ZDHHC15: variants seen among roughly 807,000 people sequenced by gnomAD.
ZDHHC15 encodes zDHHC palmitoyltransferase 15.
A neutral mutation model predicts 31.7 loss-of-function variants in ZDHHC15; 19 were observed. That is an observed-to-expected ratio of 0.60 (90% CI 0.42 to 0.88). The LOEUF (loss-of-function observed/expected upper bound fraction) is 0.88. Among genes scored for constraint, ZDHHC15 ranks in the 40% least tolerant of loss-of-function variants. The pLI is 0.00. For missense variants in ZDHHC15, 209 were observed against 251.2 expected (o/e 0.83, Z 1.14); for synonymous variants, 103 against 90.0 (o/e 1.14, Z -0.82).
chrX:75,457,004 G>A (rs1347238970), intron 3 of ZDHHC15, among the ~76,000 whole-genome samples: 4 of 111,725 alleles, frequency 3.6e-5, no homozygotes. Flanking sequence ...TAAATGTAAA[G>A]CATTTAGCTG....
At chrX:75,451,466 T>C (rs2084116718) in intron 3 of ZDHHC15, among the ~76,000 whole-genome samples, 1 of 112,484 alleles carries the variant, frequency 8.9e-6, no homozygotes, top group Non-Finnish European at 1.9e-5. Context: ...AATACTTTTT[T>C]AGTCTCGTAT....
At chrX:75,461,026 G>C (rs896577934) in intron 3 of ZDHHC15, among the ~76,000 whole-genome samples, 1 of 111,580 alleles carries the variant, frequency 9.0e-6, no homozygotes, top group African/African-American at 3.3e-5. Flanking sequence ...CCAATGCAAA[G>C]AGGCTAAGAA....
At chrX:75,379,298 C>A in intron 10 of ZDHHC15, 100 bp from the exon 11 acceptor site, 1 of 834,114 alleles carries the variant, frequency 1.2e-6, no homozygotes, top group Non-Finnish European at 1.8e-6. Flanking sequence ...TCTCTGCAGG[C>A]AACAGATACC....
At chrX:75,459,733 A>G (rs961007530) in intron 3 of ZDHHC15, among the ~76,000 whole-genome samples, 1 of 112,156 alleles carries the variant, frequency 8.9e-6, no homozygotes, top group Non-Finnish European at 1.9e-5. Context: ...CAGCCATTTC[A>G]GCCTCCAGTT....
At chrX:75,389,392 G>T (rs1373686280) in intron 10 of ZDHHC15, among the ~76,000 whole-genome samples, 1 of 109,949 alleles carries the variant, frequency 9.1e-6, no homozygotes, top group Non-Finnish European at 1.9e-5. Context: ...TCAAGGGATT[G>T]CTTGTGTAAC....
intron 7 of ZDHHC15, among the ~76,000 whole-genome samples, chrX:75,425,098 C>T (rs1398193747): frequency 9.0e-6 from 1 of 110,876 alleles, no homozygotes; most frequent in Admixed American, 9.7e-5. Context: ...CAACCGCTTA[C>T]AGCTTGTAGT....
intron 3 of ZDHHC15, among the ~76,000 whole-genome samples, chrX:75,467,848 T>C (rs1265964499): frequency 2.7e-5 from 3 of 111,357 alleles, no homozygotes; most frequent in Non-Finnish European, 5.6e-5. Context: ...CGCTATCTAG[T>C]TCCAGAAGAG....
intron 10 of ZDHHC15, among the ~76,000 whole-genome samples, chrX:75,407,825 AAAG>A (rs2083437155): frequency 8.9e-6 from 1 of 112,690 alleles, no homozygotes. Context: ...GTCTGTGTAG[AAAG>A]AAGTAGACAT....
intron 9 of ZDHHC15, 77 bp downstream of exon 9, chrX:75,421,787 T>A (rs1056000569): frequency 9.2e-7 from 1 of 1,092,065 alleles, no homozygotes. Flanking sequence ...ACCTGCTGCA[T>A]ACTACAATCA....
At chrX:75,496,571 C>T (rs2085003214) in intron 2 of ZDHHC15, among the ~76,000 whole-genome samples, 1 of 111,629 alleles carries the variant, frequency 9.0e-6, no homozygotes, top group Non-Finnish European at 1.9e-5. Flanking sequence ...TTCATCAGCA[C>T]ATGGAACATT....
At chrX:75,422,153 C>G (rs1018082933) in intron 8 of ZDHHC15, among the ~76,000 whole-genome samples, 163 bp from the exon 9 acceptor site, 2 of 112,023 alleles carry the variant, frequency 1.8e-5, no homozygotes, top group Non-Finnish European at 3.8e-5. Context: ...TGCTAAATTG[C>G]TTAGTAAAAA....
intron 9 of ZDHHC15, among the ~76,000 whole-genome samples, chrX:75,420,192 A>C (rs1344164148): frequency 1.8e-5 from 2 of 111,665 alleles, no homozygotes; most frequent in Non-Finnish European, 3.8e-5. Flanking sequence ...TGGCCAACAA[A>C]CATATTAAAA....
At chrX:75,514,684 G>A (rs773467990) in intron 1 of ZDHHC15, among the ~76,000 whole-genome samples, 5 of 111,377 alleles carry the variant, frequency 4.5e-5, no homozygotes, top group African/African-American at 9.8e-5. Context: ...GGACACTCCC[G>A]CCCTAATACT....
chrX:75,517,746 A>C (rs1169371931), intron 1 of ZDHHC15, among the ~76,000 whole-genome samples: 1 of 109,722 alleles, frequency 9.1e-6, no homozygotes, highest in Non-Finnish European at 1.9e-5. Context: ...ATAATAATAA[A>C]ATTTTAAAAA....
chrX:75,521,867 G>A (rs1173718819), intron 1 of ZDHHC15, among the ~76,000 whole-genome samples: 1 of 111,308 alleles, frequency 9.0e-6, no homozygotes, highest in Non-Finnish European at 1.9e-5. Context: ...TGTGGGAGGT[G>A]GGGAGTGGGT....
intron 2 of ZDHHC15, among the ~76,000 whole-genome samples, chrX:75,487,978 T>A (rs1316431845): frequency 3.6e-5 from 4 of 111,895 alleles, no homozygotes; most frequent in Admixed American, 2.8e-4. Context: ...GACAAAGACA[T>A]AGAAAAATAA....
intron 3 of ZDHHC15, among the ~76,000 whole-genome samples, chrX:75,476,049 C>A (rs959276271): frequency 9.0e-6 from 1 of 110,678 alleles, no homozygotes; most frequent in Non-Finnish European, 1.9e-5. Flanking sequence ...TTGGTTTTTG[C>A]GTGATGTGGT....
intron 3 of ZDHHC15, among the ~76,000 whole-genome samples, chrX:75,478,113 A>G (rs1265483427): frequency 1.8e-5 from 2 of 111,913 alleles, no homozygotes; most frequent in African/African-American, 6.5e-5. Flanking sequence ...AATGCCTGAT[A>G]TAATCACAAA....
intron 4 of ZDHHC15, among the ~76,000 whole-genome samples, chrX:75,436,872 ATTTTG>A (rs922323924): frequency 9.0e-6 from 1 of 111,471 alleles, no homozygotes; most frequent in Admixed American, 9.5e-5. Context: ...TTTTTTGTTT[ATTTTG>A]TTTTGTTTTG....
Sources: allele counts gnomAD v4.1 joint callset (sites outside exome capture counted in the v4.1 genomes callset), GRCh38; gene constraint gnomAD v4.1.1; transcripts MANE v1.5; gene names NCBI Gene and HGNC (gene_info 2026-07-23, HGNC 2026-07-21).